Variants in CCDC175 observed in about 807,000 individuals in gnomAD.
CCDC175 encodes the protein coiled-coil domain-containing protein 175.
In CCDC175, 100 loss-of-function variants were observed where a neutral mutation model predicts 114.6. The ratio of observed to expected loss-of-function variants is 0.87; its 90% CI spans 0.74 to 1.03. The LOEUF is 1.03. Ranked by LOEUF, CCDC175 falls within the 50% of genes least tolerant of loss-of-function variation. The pLI is 0.00. For missense variants in CCDC175, 880 were observed against 917.8 expected (o/e 0.96, Z 0.53); for synonymous variants, 306 against 308.7 (o/e 0.99, Z 0.09).
intron 4 of CCDC175, among the ~76,000 whole-genome samples, chr14:59,567,742 C>T (rs1295354695): frequency 6.6e-6 from 1 of 152,100 alleles, no homozygotes; most frequent in Admixed American, 6.5e-5. Context: ...GGAACCCTGT[C>T]CTGGGAACCA....
intron 7 of CCDC175, 62 bp downstream of exon 7, chr14:59,561,057 C>A: frequency 2.6e-6 from 2 of 778,294 alleles, no homozygotes; most frequent in South Asian, 3.7e-5. Flanking sequence ...AGCATATTAA[C>A]TATATTATAT....
rs150360768 is a variant in CCDC175, at chr14:59,575,269, T to C, written c.158-241A>G. Among the ~76,000 whole-genome samples the C allele has an allele frequency of 5.1e-3, 694 of 136,630 alleles. 3 individuals carry two copies. The highest frequency in any genetic ancestry group is 0.013 in the African/African-American group (480 of 36,818). The allele number at this position is 136,630 out of a possible 152,430, so 89.6% of individuals were successfully genotyped here. On this transcript the variant is annotated intron_variant, in intron 1 of 19. Transcript: ENST00000537690. ...TGGAGATTTACATATTAATATTTTA[T>C]AACTCAGGGCAAGAGGGTGTAATGA...
intron 4 of CCDC175, among the ~76,000 whole-genome samples, chr14:59,566,412 G>C (rs768093700): frequency 2.6e-5 from 4 of 152,168 alleles, no homozygotes; most frequent in Non-Finnish European, 5.9e-5. Flanking sequence ...GTGTTTGAAG[G>C]CTCAGGAAAA....
chr14:59,558,718 A>G (rs1485274887), intron 7 of CCDC175, among the ~76,000 whole-genome samples: 1 of 152,192 alleles, frequency 6.6e-6, no homozygotes, highest in Non-Finnish European at 1.5e-5. Context: ...TATATAATAG[A>G]CATCTTCCAA....
Position 59,508,990 on chromosome 14 carries a change from C to G in CCDC175, c.2305+1656G>C, listed in dbSNP as rs183482431. 2.6e-5 allele frequency among the ~76,000 whole-genome samples: 4 copies of G among 152,280 alleles called. No individual in the cohort carries two copies. In the East Asian group the frequency reaches 7.7e-4, roughly 29 times the overall value. On this transcript the variant is annotated intron_variant, in intron 19 of 19. Transcript: ENST00000537690. ...GCAAGTTCTGCATAAACAGCCTCTGCTTATTCTCATTTGGGTGGTCTTTTT... is the reference window on the plus strand; with the variant it reads ...GCAAGTTCTGCATAAACAGCCTCTGGTTATTCTCATTTGGGTGGTCTTTTT...
chr14:59,512,676 A>C (rs771340461), intron 17 of CCDC175, among the ~76,000 whole-genome samples: 4 of 152,176 alleles, frequency 2.6e-5, no homozygotes, highest in Non-Finnish European at 5.9e-5. Flanking sequence ...AATTTTTTTG[A>C]GATAAAGACC....
chr14:59,515,716 T>C (rs1021088441), intron 17 of CCDC175, among the ~76,000 whole-genome samples: 1 of 152,146 alleles, frequency 6.6e-6, no homozygotes, highest in African/African-American at 2.4e-5. Flanking sequence ...ACAATAATAA[T>C]GGGATACTTT....
intron 7 of CCDC175, among the ~76,000 whole-genome samples, chr14:59,555,785 AT>A (rs969330626): frequency 1.3e-5 from 2 of 152,236 alleles, no homozygotes; most frequent in Non-Finnish European, 2.9e-5. Context: ...TACAAAATCA[AT>A]GTGCAAAAAT....
At chr14:59,565,819 C>G (rs1896506289) in intron 4 of CCDC175, among the ~76,000 whole-genome samples, 1 of 152,168 alleles carries the variant, frequency 6.6e-6, no homozygotes. Context: ...CCCACCCGTC[C>G]CCAGATGCCA....
At chr14:59,527,027 T>C in intron 15 of CCDC175, 68 bp downstream of exon 15, 6 of 809,974 alleles carry the variant, frequency 7.4e-6, no homozygotes, top group Non-Finnish European at 1.1e-5. Flanking sequence ...GCCAGGTAAA[T>C]ACTACCATCT....
chr14:59,564,263 ATTCACATT>A, intron 5 of CCDC175: 2 of 153,066 alleles, frequency 1.3e-5, no homozygotes. Flanking sequence ...GGGAATCTAA[ATTCACATT>A]ATTTAATGGG....
rs143016395 is a variant in CCDC175 at position 59,550,721 on chromosome 14, G to A, written c.1035+634C>T. ...AGAGCAGGAAGCATCCAGCATGGGA[G>A]AAAGATGTAGTCTGGGAGGCTAAGC... On this transcript the variant is annotated intron_variant, in intron 8 of 19. Transcript: ENST00000537690. Among the ~76,000 whole-genome samples, 1,452 of 152,250 alleles carry A rather than the reference G, an allele frequency of 9.5e-3. 16 individuals carry two copies. Among genetic ancestry groups the A allele is most frequent in the South Asian group, 0.021 (99 of 4,824 alleles).
At chr14:59,560,550 T>C (rs997269660) in intron 7 of CCDC175, among the ~76,000 whole-genome samples, 2 of 152,152 alleles carry the variant, frequency 1.3e-5, no homozygotes, top group African/African-American at 4.8e-5. Context: ...AGCCAGACAT[T>C]GCCATGTGCT....
At chr14:59,548,896 T>C (rs1045759855) in intron 8 of CCDC175, among the ~76,000 whole-genome samples, 4 of 152,248 alleles carry the variant, frequency 2.6e-5, no homozygotes, top group Admixed American at 6.5e-5. Context: ...AGGGCATGGG[T>C]ACAGAGGCAG....
chr14:59,510,702 CCTCGTAGCCATGTACTGACATG>C lies in CCDC175; in HGVS notation c.2227_2248del (p.His743GlyfsTer42). On this transcript the variant is annotated frameshift_variant, in exon 19 of 20. Transcript: ENST00000537690. LOFTEE classifies it high-confidence loss of function. ...AAGCAAACGCAGCCCTTCAAGACTCCCTCGTAGCCATGTACTGACATGCTGCATTTTTTCATCTCTTTCACGC... is the reference window on the plus strand; with the variant it reads ...AAGCAAACGCAGCCCTTCAAGACTCCCTGCATTTTTTCATCTCTTTCACGC... 1 of 1,537,220 alleles carries C rather than the reference CCTCGTAGCCATGTACTGACATG, an allele frequency of 6.5e-7. No individual in the cohort carries two copies. The highest frequency in any genetic ancestry group is 8.7e-7 in the Non-Finnish European group (1 of 1,146,902).
rs1242743932 is a variant in CCDC175 at position 59,527,138 on chromosome 14, A to G, written c.1799T>C (p.Ile600Thr). The G allele has an allele frequency of 6.7e-7, 1 of 1,499,884 alleles. No individual in the cohort carries two copies. Among genetic ancestry groups the G allele is most frequent in the Non-Finnish European group, 8.8e-7 (1 of 1,130,326 alleles). The allele number at this position is 1,499,884 out of a possible 1,614,324, so 92.9% of individuals were successfully genotyped here. A position where few individuals can be genotyped will look rare whatever the true frequency, so the allele number is the denominator to read the frequency against. ...RQEEDLLNNHIFLFTRDFSRY... is the reference protein window; with the variant it reads ...RQEEDLLNNHTFLFTRDFSRY... Reference sequence around the variant, plus strand: ...TGAAAAGTCCCTTGTAAACAGAAAAATGTGATTGTTCAGTAAATCTTCCTC... The same window carrying G: ...TGAAAAGTCCCTTGTAAACAGAAAAGTGTGATTGTTCAGTAAATCTTCCTC... Residue 600 changes from isoleucine to threonine, a missense_variant, in exon 15 of 20, where the codon ATT becomes ACT. Coordinates refer to ENST00000537690, the MANE Select transcript of CCDC175 (RefSeq NM_001164399.2).
chr14:59,525,327 G>C lies in CCDC175; in HGVS notation c.1950C>G (p.Asp650Glu). Reference sequence around the variant, plus strand: ...CCAGGAGCAGAAGATCTGCTTTTTGGTCATTTATATAGAATCCATTTTCTA... The same window carrying C: ...CCAGGAGCAGAAGATCTGCTTTTTGCTCATTTATATAGAATCCATTTTCTA... ...KNLENGFYINDQKADLLLLEN... is the reference protein window; with the variant it reads ...KNLENGFYINEQKADLLLLEN... Residue 650 changes from aspartate to glutamate, a missense_variant, in exon 16 of 20, where the codon GAC (aspartate) becomes GAG (glutamate). Transcript: ENST00000537690. The C allele has an allele frequency of 6.8e-7, 1 of 1,464,590 alleles. No individual in the cohort carries two copies. The allele number at this position is 1,464,590 out of a possible 1,614,324, so 90.7% of individuals were successfully genotyped here.
At chr14:59,550,932 G>A (rs1351000753) in intron 8 of CCDC175, among the ~76,000 whole-genome samples, 5 of 152,144 alleles carry the variant, frequency 3.3e-5, no homozygotes, top group African/African-American at 1.2e-4. Context: ...CTTTGATCTA[G>A]TCAAGTTGAC....
chr14:59,565,636 G>A (rs1056342826), intron 4 of CCDC175, among the ~76,000 whole-genome samples: 1 of 151,994 alleles, frequency 6.6e-6, no homozygotes, highest in Admixed American at 6.5e-5. Context: ...GAACCTGGGA[G>A]GCAGAGGTTG....
Sources: allele counts gnomAD v4.1 joint callset (sites outside exome capture counted in the v4.1 genomes callset), GRCh38; gene constraint gnomAD v4.1.1; transcripts MANE v1.5; gene names NCBI Gene and HGNC (gene_info 2026-07-23, HGNC 2026-07-21).